CCDC3: variants seen among roughly 807,000 people sequenced by gnomAD.
The protein encoded by CCDC3 is coiled-coil domain-containing protein 3.
In CCDC3, 24 loss-of-function variants were observed where a neutral mutation model predicts 21.4. The ratio of observed to expected loss-of-function variants is 1.12; its 90% CI spans 0.81 to 1.58. The LOEUF is 1.58. Ranked by LOEUF, CCDC3 falls within the 40% of genes most tolerant of loss-of-function variation. The pLI is 0.00. For synonymous variants in CCDC3, 186 were observed against 166.0 expected (o/e 1.12, Z -0.93); for missense variants, 425 against 360.9 (o/e 1.18, Z -1.44).
chr10:13,014,539 A>G (rs377563988), intron 5 of CCDC3, among the ~76,000 whole-genome samples: 1 of 151,966 alleles, frequency 6.6e-6, no homozygotes, highest in Non-Finnish European at 1.5e-5. Context: ...TCTGAATTAG[A>G]TCCTTTTGCT....
At chr10:13,024,465 A>G (rs1836190236) in intron 5 of CCDC3, among the ~76,000 whole-genome samples, 1 of 152,136 alleles carries the variant, frequency 6.6e-6, no homozygotes, top group Non-Finnish European at 1.5e-5. Context: ...AATTCTTTAA[A>G]TATGTCTAAT....
At chr10:12,912,149 C>T (rs1345841378) in intron 2 of CCDC3, among the ~76,000 whole-genome samples, 2 of 151,966 alleles carry the variant, frequency 1.3e-5, no homozygotes, top group Non-Finnish European at 2.9e-5. Context: ...GGATGTATAC[C>T]CAGTAGTGGG....
intron 5 of CCDC3, among the ~76,000 whole-genome samples, chr10:13,027,400 G>T (rs1836236839): frequency 6.6e-6 from 1 of 152,134 alleles, no homozygotes; most frequent in Admixed American, 6.5e-5. Context: ...ATATTTATCA[G>T]GAATTTCTAC....
At chr10:12,950,813 C>G (rs1367774696) in intron 2 of CCDC3, among the ~76,000 whole-genome samples, 1 of 152,178 alleles carries the variant, frequency 6.6e-6, no homozygotes, top group Non-Finnish European at 1.5e-5. Context: ...ATATTCAGCA[C>G]TGACAGACTC....
chr10:13,019,596 A>G (rs1836119493), intron 5 of CCDC3, among the ~76,000 whole-genome samples: 2 of 152,320 alleles, frequency 1.3e-5, no homozygotes, highest in South Asian at 2.1e-4. Flanking sequence ...TACATTTTCC[A>G]TTACTGACTT....
At chr10:13,081,763 C>G (rs920044346) in intron 3 of CCDC3, among the ~76,000 whole-genome samples, 1 of 152,192 alleles carries the variant, frequency 6.6e-6, no homozygotes, top group Non-Finnish European at 1.5e-5. Flanking sequence ...GACAAGGTAT[C>G]AGGATGTAAA....
chr10:12,916,598 T>G (rs1254179656), intron 2 of CCDC3, among the ~76,000 whole-genome samples: 1 of 137,714 alleles, frequency 7.3e-6, no homozygotes. Flanking sequence ...CCAGCCTGGG[T>G]GACAGAGAGA....
chr10:12,931,850 T>C (rs1834649253), intron 2 of CCDC3, among the ~76,000 whole-genome samples: 1 of 152,186 alleles, frequency 6.6e-6, no homozygotes, highest in South Asian at 2.1e-4. Flanking sequence ...GAATCTGGGG[T>C]CTCCACTACC....
chr10:12,914,399 A>T (rs1834317563), intron 2 of CCDC3, among the ~76,000 whole-genome samples: 1 of 151,966 alleles, frequency 6.6e-6, no homozygotes, highest in South Asian at 2.1e-4. Flanking sequence ...AGTCATTTGT[A>T]TTTCTGCGGT....
intron 2 of CCDC3, among the ~76,000 whole-genome samples, chr10:12,978,907 T>C (rs1264913840): frequency 6.6e-6 from 1 of 152,112 alleles, no homozygotes; most frequent in Non-Finnish European, 1.5e-5. Context: ...GACCCCACAC[T>C]CATTATGCCA....
At chr10:13,029,362 TA>T (rs1328234494) in intron 5 of CCDC3, among the ~76,000 whole-genome samples, 2 of 152,038 alleles carry the variant, frequency 1.3e-5, no homozygotes, top group African/African-American at 4.8e-5. Flanking sequence ...CAAAGGTAGA[TA>T]AAACCACAAA....
At chr10:12,925,201 G>A (rs1376858101) in intron 2 of CCDC3, among the ~76,000 whole-genome samples, 3 of 152,168 alleles carry the variant, frequency 2.0e-5, no homozygotes, top group Non-Finnish European at 4.4e-5. Context: ...CAGGAAGTAG[G>A]CAGGTGGGGA....
chr10:12,919,676 G>A (rs1834416843), intron 2 of CCDC3, among the ~76,000 whole-genome samples: 1 of 151,458 alleles, frequency 6.6e-6, no homozygotes. Context: ...TCCTCTTGCA[G>A]TCGCCTTGAT....
intron 4 of CCDC3, among the ~76,000 whole-genome samples, chr10:13,051,234 T>TA (rs1554764659): frequency 6.6e-6 from 1 of 152,064 alleles, no homozygotes; most frequent in Admixed American, 6.5e-5. Context: ...TGCAAATTAG[T>TA]GGGGAGGAAG....
intron 5 of CCDC3, among the ~76,000 whole-genome samples, chr10:13,028,082 T>G (rs1260323279): frequency 6.6e-6 from 1 of 152,192 alleles, no homozygotes; most frequent in South Asian, 2.1e-4. Flanking sequence ...CAGAATGATA[T>G]GGTTTGGCTG....
chr10:12,987,322 G>T (rs1484712810), intron 2 of CCDC3, among the ~76,000 whole-genome samples: 2 of 152,166 alleles, frequency 1.3e-5, no homozygotes, highest in Non-Finnish European at 2.9e-5. Flanking sequence ...ACGTAGGAAG[G>T]ATTTTCTATG....
chr10:13,076,122 G>C (rs1056184477), intron 3 of CCDC3, among the ~76,000 whole-genome samples: 5 of 152,128 alleles, frequency 3.3e-5, no homozygotes, highest in Admixed American at 2.0e-4. Context: ...AAATAGGGAA[G>C]CAAAGGAGGC....
intron 2 of CCDC3, among the ~76,000 whole-genome samples, chr10:12,952,431 C>T (rs888495149): frequency 6.6e-6 from 1 of 152,178 alleles, no homozygotes; most frequent in Non-Finnish European, 1.5e-5. Flanking sequence ...AATGAATATA[C>T]TCAGGTAGAC....
At chr10:13,060,437 T>A (rs2580898) in intron 4 of CCDC3, among the ~76,000 whole-genome samples, 1 of 151,936 alleles carries the variant, frequency 6.6e-6, no homozygotes, top group African/African-American at 2.4e-5. Flanking sequence ...GCAGAAGTCA[T>A]CAGAGAGGTG....
Sources: allele counts gnomAD v4.1 joint callset (sites outside exome capture counted in the v4.1 genomes callset), GRCh38; gene constraint gnomAD v4.1.1; transcripts MANE v1.5; gene names NCBI Gene and HGNC (gene_info 2026-07-23, HGNC 2026-07-21).